The following BARD1 variants were observed in gnomAD, a reference collection of about 807,000 sequenced individuals.
BARD1 encodes BRCA1-associated RING domain protein 1.
Under a neutral mutation model 77.0 loss-of-function variants are expected in BARD1, and 73 were observed. The observed-to-expected ratio is 0.95, with a 90% confidence interval of 0.79 to 1.15. BARD1 has a LOEUF of 1.15. Ranked by LOEUF, BARD1 falls within the 50% of genes most tolerant of loss-of-function variation. The pLI, the probability that BARD1 is intolerant of heterozygous loss-of-function variation, is 0.00. For synonymous variants in BARD1, 384 were observed against 338.0 expected (o/e 1.14, Z -1.49); for missense variants, 993 against 938.8 (o/e 1.06, Z -0.75).
Position 214,745,761 on chromosome 2 carries a change from T to G in BARD1, c.1771A>C (p.Ile591Leu). 1 of 1,614,048 alleles carries G rather than the reference T, an allele frequency of 6.2e-7. No homozygotes were observed. The highest frequency in any genetic ancestry group is 8.5e-7 in the Non-Finnish European group (1 of 1,179,954). ...QQKMLSELAVILKAKKYTEFD... is the reference protein window; with the variant it reads ...QQKMLSELAVLLKAKKYTEFD... ...TCAGTATATTTTTTAGCCTTAAGAA[T>G]TACTGCAAGCTCACTGAGCATTTTC... The change falls in exon 8 of 11, where the codon ATT (isoleucine) becomes CTT (leucine). Residue 591 changes from isoleucine (I) to leucine (L), a missense_variant. Coordinates refer to ENST00000260947, the MANE Select transcript of BARD1 (RefSeq NM_000465.4).
At chr2:214,802,674 A>G (rs1696078816) in intron 1 of BARD1, among the ~76,000 whole-genome samples, 1 of 152,236 alleles carries the variant, frequency 6.6e-6, no homozygotes, top group South Asian at 2.1e-4. Context: ...ATGGAAGCCT[A>G]TATACAAAAA....
intron 10 of BARD1, 183 bp downstream of exon 10, chr2:214,730,228 T>C: frequency 3.2e-6 from 2 of 620,578 alleles, no homozygotes; most frequent in Non-Finnish European, 5.7e-6. Flanking sequence ...CAGTATGAAA[T>C]TATTACCTTC....
chr2:214,762,643 T>C (rs1694015288), intron 6 of BARD1, among the ~76,000 whole-genome samples: 1 of 152,198 alleles, frequency 6.6e-6, no homozygotes, highest in South Asian at 2.1e-4. Context: ...AGCAAACTGA[T>C]GTATTCATTT....
intron 2 of BARD1, among the ~76,000 whole-genome samples, chr2:214,794,644 T>C (rs892651840): frequency 6.6e-6 from 1 of 152,254 alleles, no homozygotes; most frequent in Non-Finnish European, 1.5e-5. Flanking sequence ...AAGCTCTTTA[T>C]GGTTCTCAAT....
intron 4 of BARD1, 129 bp from the exon 5 acceptor site, chr2:214,769,441 A>G: frequency 3.9e-6 from 3 of 764,712 alleles, no homozygotes; most frequent in Non-Finnish European, 6.7e-6. Context: ...GCTACTGTTC[A>G]TGAGTTAATA....
chr2:214,803,048 T>C (rs892971014), intron 1 of BARD1, among the ~76,000 whole-genome samples: 1 of 144,454 alleles, frequency 6.9e-6, no homozygotes, highest in African/African-American at 2.6e-5. Context: ...CTCTGAAACA[T>C]GTGCTGTGTC....
At chr2:214,780,321 C>A (rs1458318721) in intron 4 of BARD1, among the ~76,000 whole-genome samples, 2 of 152,068 alleles carry the variant, frequency 1.3e-5, no homozygotes, top group South Asian at 4.1e-4. Context: ...AAAATAAAAG[C>A]CGAAATATTC....
chr2:214,747,087 C>CA (rs984548322), intron 7 of BARD1, among the ~76,000 whole-genome samples: 13 of 151,412 alleles, frequency 8.6e-5, no homozygotes, highest in African/African-American at 3.2e-4. Context: ...TTTATGCAGC[C>CA]AAAAAACACA....
At chr2:214,730,604 C>A in intron 9 of BARD1, 96 bp from the exon 10 acceptor site, 1 of 983,208 alleles carries the variant, frequency 1.0e-6, no homozygotes, top group Non-Finnish European at 1.6e-6. Context: ...GGTTTTTCTT[C>A]TTCATGGCAG....
intron 8 of BARD1, among the ~76,000 whole-genome samples, 174 bp downstream of exon 8, chr2:214,745,545 CGTT>C (rs1468650703): frequency 6.6e-6 from 1 of 152,066 alleles, no homozygotes; most frequent in Non-Finnish European, 1.5e-5. Flanking sequence ...TTCCTAACTA[CGTT>C]GTTGTCTATA....
chr2:214,774,715 G>A (rs931203944), intron 4 of BARD1, among the ~76,000 whole-genome samples: 2 of 152,188 alleles, frequency 1.3e-5, no homozygotes, highest in African/African-American at 4.8e-5. Flanking sequence ...TTCTAGCTAT[G>A]AAAGACACAG....
At chr2:214,734,590 G>A (rs546599479) in intron 9 of BARD1, among the ~76,000 whole-genome samples, 8 of 152,216 alleles carry the variant, frequency 5.3e-5, no homozygotes, top group African/African-American at 1.9e-4. Context: ...GATTGAACGT[G>A]TACATTGTGC....
At chr2:214,771,183 A>C (rs1694467091) in intron 4 of BARD1, among the ~76,000 whole-genome samples, 1 of 152,176 alleles carries the variant, frequency 6.6e-6, no homozygotes, top group Admixed American at 6.5e-5. Flanking sequence ...ACAGTACCTA[A>C]GTCCATGACG....
At chr2:214,781,658 A>G (rs1695045275) in intron 3 of BARD1, 149 bp from the exon 4 acceptor site, 1 of 654,828 alleles carries the variant, frequency 1.5e-6, no homozygotes, top group African/African-American at 1.8e-5. Flanking sequence ...GAACTCTTTG[A>G]TAGCAGATAT....
chr2:214,758,028 C>T (rs1294781352), intron 6 of BARD1, among the ~76,000 whole-genome samples: 1 of 152,064 alleles, frequency 6.6e-6, no homozygotes, highest in East Asian at 1.9e-4. Context: ...AAGCTATGGT[C>T]AGATTATATA....
At position 214,727,955 on chromosome 2, in the gene BARD1, A is replaced by G; in HGVS notation, c.*721T>C. 1 of 215,166 alleles carries G rather than the reference A, an allele frequency of 4.6e-6. No homozygotes were observed. Among genetic ancestry groups the G allele is most frequent in the Non-Finnish European group, 9.4e-6 (1 of 106,632 alleles). 13.3% of individuals were successfully genotyped at this position (215,166 alleles called of 1,614,324 possible). On this transcript the variant is annotated 3_prime_UTR_variant, in exon 11 of 11. Coordinates refer to ENST00000260947, the MANE Select transcript of BARD1 (RefSeq NM_000465.4). ...CTCTAAGTATATATACACATGTAGT[A>G]GATAAACAGAGTTACAAATTGATAG...
chr2:214,727,570 T>G lies in BARD1; in HGVS notation c.*1106A>C, dbSNP rs1363581687. Reference sequence around the variant, plus strand: ...CAGAGCAGAGTAACCTCCCCACATCTGGCCACTCTCAGGTGGTATCCTGCC... The same window carrying G: ...CAGAGCAGAGTAACCTCCCCACATCGGGCCACTCTCAGGTGGTATCCTGCC... On this transcript the variant is annotated 3_prime_UTR_variant, in exon 11 of 11. Coordinates refer to ENST00000260947, the MANE Select transcript of BARD1 (RefSeq NM_000465.4). 2 of 232,360 alleles carry G rather than the reference T, an allele frequency of 8.6e-6. No homozygotes were observed. The highest frequency in any genetic ancestry group is 1.7e-5 in the Non-Finnish European group (2 of 117,554). The allele number at this position is 232,360 out of a possible 1,614,324, so 14.4% of individuals were successfully genotyped here.
chr2:214,792,194 C>A, intron 3 of BARD1, 103 bp downstream of exon 3: 51 of 892,916 alleles, frequency 5.7e-5, no homozygotes, highest in Middle Eastern at 2.6e-4. Context: ...ATCTGAAATA[C>A]GTATTCCAGA....
At chr2:214,784,651 G>A (rs1238803846) in intron 3 of BARD1, among the ~76,000 whole-genome samples, 1 of 152,128 alleles carries the variant, frequency 6.6e-6, no homozygotes, top group African/African-American at 2.4e-5. Context: ...TGACAGACTG[G>A]ATAAAGAAAA....
Sources: gnomAD v4.1 joint callset for allele counts (sites outside exome capture counted in the v4.1 genomes callset) on GRCh38, gnomAD v4.1.1 for gene constraint, MANE v1.5 for transcripts, NCBI Gene and HGNC (gene_info 2026-07-23, HGNC 2026-07-21) for gene names.